ZMYND8: variants seen among roughly 807,000 people sequenced by gnomAD.
ZMYND8 encodes the protein zinc finger MYND-type containing 8.
Under a neutral mutation model 140.8 loss-of-function variants are expected in ZMYND8, and 37 were observed. That is an observed-to-expected ratio of 0.26 (90% CI 0.20 to 0.35). The LOEUF is 0.35. Ranked by LOEUF, ZMYND8 falls within the 10% of genes least tolerant of loss-of-function variation. The pLI, the probability that ZMYND8 is intolerant of heterozygous loss-of-function variation, is 1.00. For missense variants in ZMYND8, 1,068 were observed against 1,570.0 expected (o/e 0.68, Z 5.40); for synonymous variants, 592 against 597.1 (o/e 0.99, Z 0.12).
intron 2 of ZMYND8, among the ~76,000 whole-genome samples, chr20:47,317,076 G>C (rs2079463109): frequency 6.6e-6 from 1 of 152,148 alleles, no homozygotes; most frequent in Admixed American, 6.6e-5. Context: ...CCTGTAGCAA[G>C]AGGACTCCCT....
chr20:47,262,025 C>T (rs190919884), intron 12 of ZMYND8, among the ~76,000 whole-genome samples: 3 of 151,506 alleles, frequency 2.0e-5, no homozygotes, highest in African/African-American at 4.9e-5. Context: ...GAGCCGAGAC[C>T]GCACCCTTGC....
chr20:47,226,001 C>T (rs1555881651), intron 18 of ZMYND8, among the ~76,000 whole-genome samples: 1 of 151,552 alleles, frequency 6.6e-6, no homozygotes, highest in Non-Finnish European at 1.5e-5. Flanking sequence ...AAGTACAAAA[C>T]TTAGCCAGGC....
intron 12 of ZMYND8, among the ~76,000 whole-genome samples, 165 bp downstream of exon 12, chr20:47,262,123 T>C (rs1202538110): frequency 1.3e-5 from 2 of 152,286 alleles, no homozygotes; most frequent in Non-Finnish European, 2.9e-5. Flanking sequence ...ATCCCTTACT[T>C]ATTCTTTTCA....
At chr20:47,218,745 T>G (rs1161656467) in intron 21 of ZMYND8, among the ~76,000 whole-genome samples, 2 of 152,164 alleles carry the variant, frequency 1.3e-5, no homozygotes, top group Non-Finnish European at 2.9e-5. Context: ...TCATATTTAA[T>G]GCCAAGTTCA....
chr20:47,252,314 A>G (rs1446899385), intron 12 of ZMYND8, among the ~76,000 whole-genome samples: 1 of 125,960 alleles, frequency 7.9e-6, no homozygotes, highest in Non-Finnish European at 1.7e-5. Flanking sequence ...AAAAAAAAAA[A>G]GCCCAGATTA....
intron 2 of ZMYND8, chr20:47,320,867 G>A (rs950909677): frequency 6.6e-6 from 1 of 152,236 alleles, no homozygotes; most frequent in East Asian, 1.9e-4. Flanking sequence ...AGAAAAGTCA[G>A]ACAGGAACCA....
chr20:47,314,886 G>A (rs2079254837), intron 2 of ZMYND8, among the ~76,000 whole-genome samples: 1 of 152,158 alleles, frequency 6.6e-6, no homozygotes, highest in Non-Finnish European at 1.5e-5. Flanking sequence ...GGGAAGAGCC[G>A]GGAGAAAGGG....
rs1388775189 is a variant in ZMYND8 at position 47,263,864 on chromosome 20, A to C, written c.1481-1436T>G. ...AAGTACTCTGTTACTGTTTGCTATTAGAGTGGTTTTATTTTCTATTTCCCC... is the reference window on the plus strand; with the variant it reads ...AAGTACTCTGTTACTGTTTGCTATTCGAGTGGTTTTATTTTCTATTTCCCC... On this transcript the variant is annotated intron_variant, in intron 11 of 22. Transcript: ENST00000471951. Among the ~76,000 whole-genome samples, 4 of 152,254 alleles carry C rather than the reference A, an allele frequency of 2.6e-5. No individual in the cohort carries two copies. In the East Asian group the frequency reaches 7.7e-4, roughly 29 times the overall value.
chr20:47,219,520 T>C (rs1053655838), intron 21 of ZMYND8, among the ~76,000 whole-genome samples: 35 of 123,182 alleles, frequency 2.8e-4, no homozygotes, highest in African/African-American at 1.0e-3. Context: ...GGCAAGACTG[T>C]CTCAAAAAAA....
At chr20:47,329,274 T>C (rs890124753) in intron 2 of ZMYND8, among the ~76,000 whole-genome samples, 2 of 152,186 alleles carry the variant, frequency 1.3e-5, no homozygotes, top group African/African-American at 4.8e-5. Flanking sequence ...TCAAGCTTGC[T>C]CGAATGATGG....
intron 8 of ZMYND8, among the ~76,000 whole-genome samples, chr20:47,284,015 T>G (rs542100013): frequency 6.6e-5 from 10 of 152,130 alleles, no homozygotes; most frequent in African/African-American, 2.4e-4. Flanking sequence ...TTTCGCTTCC[T>G]GCGTTCAAGC....
intron 8 of ZMYND8, 43 bp downstream of exon 8, chr20:47,287,185 CT>C (rs1453265836): frequency 6.4e-7 from 1 of 1,570,236 alleles, no homozygotes; most frequent in Non-Finnish European, 8.8e-7. Flanking sequence ...GCCCCATCCC[CT>C]CCTTCTGGGT....
In ZMYND8 at chr20:47,255,785, ATGTG is replaced by A. The variant is rs200775423; in HGVS notation, c.1622-6350_1622-6347del. Among the ~76,000 whole-genome samples, 18 of 119,648 alleles carry A rather than the reference ATGTG, an allele frequency of 1.5e-4. No homozygotes were observed. The South Asian group carries it at 4.7e-3, about 31-fold the overall frequency. The allele number at this position is 119,648 out of a possible 152,430, so 78.5% of individuals were successfully genotyped here. Reference sequence around the variant, plus strand: ...ATATACGGTATATATATATATTTGTATGTGTATATATATATACCGTATATATATA... The same window carrying A: ...ATATACGGTATATATATATATTTGTATATATATATATACCGTATATATATA... On this transcript the variant is annotated intron_variant, in intron 12 of 22. Coordinates refer to ENST00000471951, the MANE Select transcript of ZMYND8 (RefSeq NM_001281775.3).
chr20:47,321,335 C>T (rs1421234818), intron 2 of ZMYND8, among the ~76,000 whole-genome samples: 1 of 152,146 alleles, frequency 6.6e-6, no homozygotes, highest in Non-Finnish European at 1.5e-5. Context: ...ACCCAGGGGA[C>T]ATCTGGCAAT....
At chr20:47,239,353 C>T (rs1252253310) in intron 14 of ZMYND8, among the ~76,000 whole-genome samples, 1 of 152,234 alleles carries the variant, frequency 6.6e-6, no homozygotes, top group Non-Finnish European at 1.5e-5. Context: ...CAGCGGCCTC[C>T]TTTACTGAGC....
intron 19 of ZMYND8, 55 bp downstream of exon 19, chr20:47,224,262 G>A: frequency 1.2e-6 from 2 of 1,606,662 alleles, no homozygotes; most frequent in Non-Finnish European, 1.7e-6. Flanking sequence ...CCACAGGGGA[G>A]ACCAATGCCA....
intron 9 of ZMYND8, among the ~76,000 whole-genome samples, chr20:47,282,453 G>A (rs2076662490): frequency 6.6e-6 from 1 of 152,214 alleles, no homozygotes; most frequent in Admixed American, 6.5e-5. Context: ...GTCCAGGCAT[G>A]GTGGCTCACG....
intron 1 of ZMYND8, among the ~76,000 whole-genome samples, chr20:47,352,274 A>G (rs1489134501): frequency 6.6e-6 from 1 of 152,242 alleles, no homozygotes; most frequent in Non-Finnish European, 1.5e-5. Context: ...GACAGCAGGC[A>G]TCTGAAAAGC....
intron 1 of ZMYND8, among the ~76,000 whole-genome samples, chr20:47,349,308 C>T (rs764206698): frequency 2.0e-5 from 3 of 152,108 alleles, no homozygotes; most frequent in Non-Finnish European, 4.4e-5. Context: ...TTTTGAACCC[C>T]GTTAACAATT....
Sources: gnomAD v4.1 joint callset for allele counts (sites outside exome capture counted in the v4.1 genomes callset) on GRCh38, gnomAD v4.1.1 for gene constraint, MANE v1.5 for transcripts, NCBI Gene and HGNC (gene_info 2026-07-23, HGNC 2026-07-21) for gene names.